Variants in ITGAV observed in about 807,000 individuals in gnomAD.
ITGAV encodes the protein integrin subunit alpha V.
In ITGAV, 76 loss-of-function variants were observed where a neutral mutation model predicts 143.8. The observed-to-expected ratio is 0.53, with a 90% confidence interval of 0.44 to 0.64. ITGAV has a LOEUF of 0.64. Among genes scored for constraint, ITGAV ranks in the 30% least tolerant of loss-of-function variants. The probability of loss-of-function intolerance (pLI) is 0.00; values close to 1 mark genes in which losing one functional copy is unlikely to be tolerated. For synonymous variants in ITGAV, 453 were observed against 446.7 expected (o/e 1.01, Z -0.18); for missense variants, 1,193 against 1,274.7 (o/e 0.94, Z 0.98).
Position 186,590,292 on chromosome 2 carries a change from G to T in ITGAV, c.-47G>T. On this transcript the variant is annotated 5_prime_UTR_variant, in exon 1 of 30. Transcript: ENST00000261023. ...CACTGGGCGCCTCGCTGGGGCGGGG[G>T]GAGGTGGCTACCGCTCCCGGCTTGG... 1 of 1,446,656 alleles carries T rather than the reference G, an allele frequency of 6.9e-7. No homozygotes were observed. The highest frequency in any genetic ancestry group is 9.1e-7 in the Non-Finnish European group (1 of 1,098,474). The allele number at this position is 1,446,656 out of a possible 1,614,324, so 89.6% of individuals were successfully genotyped here.
At position 186,656,406 on chromosome 2, in the gene ITGAV, G is replaced by A; in HGVS notation, c.1719+5G>A. 6.8e-7 allele frequency: 1 copy of A among 1,471,046 alleles called. No homozygotes were observed. The highest frequency in any genetic ancestry group is 9.0e-7 in the Non-Finnish European group (1 of 1,114,058). The allele number at this position is 1,471,046 out of a possible 1,614,324, so 91.1% of individuals were successfully genotyped here. On this transcript the variant is annotated splice_donor_5th_base_variant and intron_variant, in intron 17 of 29. Transcript: ENST00000261023. ...GAATTGATAGCGTATCTGCGGGTAA[G>A]AGCTAACTTTTCTGCTACCTTGTTG...
intron 1 of ITGAV, among the ~76,000 whole-genome samples, chr2:186,590,973 A>G (rs112656049): frequency 7.3e-5 from 11 of 150,866 alleles, no homozygotes; most frequent in African/African-American, 2.7e-4. Context: ...GTCTCCCTAA[A>G]CAAGCCCTCC....
chr2:186,622,825 C>T (rs570027770), intron 3 of ITGAV, among the ~76,000 whole-genome samples: 6 of 152,056 alleles, frequency 3.9e-5, no homozygotes, highest in Admixed American at 1.3e-4. Context: ...TGCAGTGGTG[C>T]GATCTCGGCT....
chr2:186,631,507 T>G (rs1449733827), intron 5 of ITGAV, among the ~76,000 whole-genome samples: 2 of 152,172 alleles, frequency 1.3e-5, no homozygotes, highest in Admixed American at 1.3e-4. Flanking sequence ...TTTTGTGTGT[T>G]TATTTATTTT....
intron 5 of ITGAV, among the ~76,000 whole-genome samples, chr2:186,632,588 A>G (rs868476067): frequency 6.6e-6 from 1 of 152,200 alleles, no homozygotes; most frequent in African/African-American, 2.4e-5. Flanking sequence ...AGTTAAATAT[A>G]AGAAATGCTA....
chr2:186,618,436 AGCTTAAGCTAACCC>A (rs1348321540), intron 2 of ITGAV, among the ~76,000 whole-genome samples: 6 of 152,236 alleles, frequency 3.9e-5, no homozygotes, highest in Non-Finnish European at 8.8e-5. Flanking sequence ...TGAATTTTCT[AGCTTAAGCTAACCC>A]TGATGTCCAC....
chr2:186,645,578 G>T (rs1688231733), intron 12 of ITGAV, among the ~76,000 whole-genome samples: 1 of 152,186 alleles, frequency 6.6e-6, no homozygotes, highest in South Asian at 2.1e-4. Flanking sequence ...CTAATTGAAG[G>T]ATTTTAAGAT....
In ITGAV at chr2:186,679,458, G is replaced by A. The variant is rs563640349; in HGVS notation, c.*2166G>A. 4 of 151,358 alleles carry A rather than the reference G, an allele frequency of 2.6e-5. No individual in the cohort carries two copies. In the South Asian group the frequency reaches 8.3e-4, roughly 32 times the overall value. 9.4% of individuals were successfully genotyped at this position (151,358 alleles called of 1,614,324 possible). The stretch of plus-strand genomic sequence containing the variant: ...TATATCTACAAAAATATGGAGAAGA[G>A]TAATTTGAAAGCCTACTTTCTGAAG... On this transcript the variant is annotated 3_prime_UTR_variant, in exon 30 of 30. Coordinates refer to ENST00000261023, the MANE Select transcript of ITGAV (RefSeq NM_002210.5).
intron 18 of ITGAV, among the ~76,000 whole-genome samples, chr2:186,661,235 A>T (rs2682855): frequency 0.094 from 14,332 of 152,082 alleles, 728 homozygotes; most frequent in South Asian, 0.12. Flanking sequence ...TTTATTAGAA[A>T]TTTTTTTTGT....
intron 4 of ITGAV, among the ~76,000 whole-genome samples, chr2:186,628,995 A>G (rs1238274375): frequency 2.6e-5 from 4 of 152,076 alleles, no homozygotes; most frequent in African/African-American, 9.7e-5. Flanking sequence ...TAATAATAGT[A>G]TCTCTTATAG....
At chr2:186,619,642 G>A (rs1386993956) in intron 2 of ITGAV, among the ~76,000 whole-genome samples, 2 of 152,126 alleles carry the variant, frequency 1.3e-5, no homozygotes, top group African/African-American at 4.8e-5. Flanking sequence ...TATATGTATT[G>A]AAACATCCCT....
intron 1 of ITGAV, among the ~76,000 whole-genome samples, chr2:186,601,757 T>C (rs1229691962): frequency 6.6e-6 from 1 of 152,168 alleles, no homozygotes; most frequent in African/African-American, 2.4e-5. Flanking sequence ...ATTTAAAGTG[T>C]ATGATTGACC....
At chr2:186,600,097 AC>A in intron 1 of ITGAV, 1 of 463,586 alleles carries the variant, frequency 2.2e-6, no homozygotes, top group Non-Finnish European at 3.8e-6. Context: ...GGGATAAAAT[AC>A]AAAGTTTAAC....
intron 28 of ITGAV, chr2:186,676,169 A>C (rs1689202874): frequency 3.0e-6 from 1 of 334,782 alleles, no homozygotes; most frequent in Non-Finnish European, 5.3e-6. Flanking sequence ...TATATACTAA[A>C]TTATATTGGA....
Position 186,677,803 on chromosome 2 carries a change from A to C in ITGAV, c.*511A>C, listed in dbSNP as rs1240476754. The C allele has an allele frequency of 6.5e-6, 1 of 152,986 alleles. No homozygotes were observed. Among genetic ancestry groups the C allele is most frequent in the Non-Finnish European group, 1.5e-5 (1 of 68,342 alleles). The allele number at this position is 152,986 out of a possible 1,614,324, so 9.5% of individuals were successfully genotyped here. ...TAACTGCATGAACTTGGATTTTTTT[A>C]ATCACTCATATGGTAGAATTTTATA... On this transcript the variant is annotated 3_prime_UTR_variant, in exon 30 of 30. Coordinates refer to ENST00000261023, the MANE Select transcript of ITGAV (RefSeq NM_002210.5).
At chr2:186,666,971 T>G (rs928308722) in intron 22 of ITGAV, among the ~76,000 whole-genome samples, 179 bp from the exon 23 acceptor site, 2 of 152,208 alleles carry the variant, frequency 1.3e-5, no homozygotes, top group Non-Finnish European at 2.9e-5. Context: ...AAACAAAATT[T>G]AAAATCCAGA....
intron 23 of ITGAV, among the ~76,000 whole-genome samples, 200 bp from the exon 24 acceptor site, chr2:186,667,471 A>G (rs1326203628): frequency 6.6e-6 from 1 of 152,134 alleles, no homozygotes; most frequent in Non-Finnish European, 1.5e-5. Context: ...CTTTTACACA[A>G]ATTGTCAATT....
At chr2:186,607,461 T>C (rs1687099703) in intron 2 of ITGAV, among the ~76,000 whole-genome samples, 2 of 152,136 alleles carry the variant, frequency 1.3e-5, no homozygotes, top group Admixed American at 6.6e-5. Flanking sequence ...GCTGGGGCAT[T>C]ATTCTGCCCC....
rs528331830 is a variant in ITGAV, at chr2:186,625,776, G to T, written c.523+189G>T. ...AGATATTACAAATGTGAAGTAAACAGGTTTACTTTTTCTAAGAACTCATTT... is the reference window on the plus strand; with the variant it reads ...AGATATTACAAATGTGAAGTAAACATGTTTACTTTTTCTAAGAACTCATTT... On this transcript the variant is annotated intron_variant, in intron 4 of 29. Transcript: ENST00000261023. Among the ~76,000 whole-genome samples the T allele has an allele frequency of 2.6e-5, 4 of 152,038 alleles. No homozygotes were observed. In the East Asian group the frequency reaches 5.8e-4, roughly 22 times the overall value.
Sources: gnomAD v4.1 joint callset for allele counts (sites outside exome capture counted in the v4.1 genomes callset) on GRCh38, gnomAD v4.1.1 for gene constraint, MANE v1.5 for transcripts, NCBI Gene and HGNC (gene_info 2026-07-23, HGNC 2026-07-21) for gene names.